RIPK4: variants seen among roughly 807,000 people sequenced by gnomAD.
RIPK4 encodes the protein receptor interacting serine/threonine kinase 4.
In RIPK4, 17 loss-of-function variants were observed where a neutral mutation model predicts 42.9. The observed-to-expected ratio is 0.40, with a 90% CI of 0.27 to 0.59. The LOEUF is 0.59. Among genes scored for constraint, RIPK4 ranks in the 20% least tolerant of loss-of-function variants. The pLI is 0.47. For missense variants in RIPK4, 897 were observed against 1,104.4 expected, an observed-to-expected ratio of 0.81 and a Z score of 2.66; for synonymous variants, 498 against 499.1, an observed-to-expected ratio of 1.00 and a Z score of 0.03.
At position 41,740,988 on chromosome 21, in the gene RIPK4, C is replaced by T; in HGVS notation, c.2205G>A (p.Gly735=). The part of the protein sequence containing the change: ...ADVIDLFDEQ[G]LSALHLAAQG... ...GGGCGGCCAGGTGCAGCGCGCTGAG[C>T]CCCTGCTCGTCGAACAGGTCAATGA... is the stretch of plus-strand genomic sequence containing the variant. Residue 735 remains glycine, a synonymous_variant, in exon 8 of 8, where the codon GGG becomes GGA. Coordinates refer to ENST00000332512, the MANE Select transcript of RIPK4 (RefSeq NM_020639.3). The T allele has an allele frequency of 6.2e-7, 1 of 1,611,038 alleles. No individual in the cohort carries two copies. Among genetic ancestry groups the T allele is most frequent in the Non-Finnish European group, 8.5e-7 (1 of 1,179,720 alleles).
intron 2 of RIPK4, among the ~76,000 whole-genome samples, chr21:41,756,306 C>T (rs2061203189): frequency 6.6e-6 from 1 of 152,242 alleles, no homozygotes; most frequent in Non-Finnish European, 1.5e-5. Context: ...AAGCTACCCT[C>T]CAGCTACATG....
rs116315787 is a variant in RIPK4, at chr21:41,755,350, G to A, written c.474+1175C>T. Among the ~76,000 whole-genome samples, 855 of 152,250 alleles carry A rather than the reference G, an allele frequency of 5.6e-3. 6 individuals are homozygous for A. The highest frequency in any genetic ancestry group is 0.018 in the African/African-American group (767 of 41,528). On this transcript the variant is annotated intron_variant, in intron 2 of 7. Coordinates refer to ENST00000332512, the MANE Select transcript of RIPK4 (RefSeq NM_020639.3). This position sits in a 1 kb window ranked among gnomAD's most constrained non-coding sequence, Gnocchi z 4.2. ...AAGAGACAACTTATAATTACTGCCC[G>A]AAGTGAAAAATTGACCTCCTCACCA...
chr21:41,743,949 C>T lies in RIPK4; in HGVS notation c.1128G>A (p.Ser376=), dbSNP rs199672024. The change falls in exon 7 of 8, where the codon TCG becomes TCA. Residue 376 remains serine, a synonymous_variant. Transcript: ENST00000332512. ...GSGKRLSGVS[S]VDSAFSSRGS... The stretch of plus-strand genomic sequence containing the variant: ...CTCTGGAAGAGAAGGCGGAGTCCAC[C>T]GAGGACACCCCCGAGAGCCTCTTCC... 16 of 1,613,312 alleles carry T rather than the reference C, an allele frequency of 9.9e-6. No individual in the cohort carries two copies. The highest frequency in any genetic ancestry group is 4.5e-5 in the East Asian group (2 of 44,866).
intron 1 of RIPK4, among the ~76,000 whole-genome samples, chr21:41,760,368 G>A (rs1377205234): frequency 3.9e-5 from 6 of 152,172 alleles, no homozygotes; most frequent in Non-Finnish European, 8.8e-5. Context: ...AGAAGATGGC[G>A]AACTACCCCC....
Position 41,751,811 on chromosome 21 carries a change from G to A in RIPK4, c.475-566C>T, listed in dbSNP as rs558784565. On this transcript the variant is annotated intron_variant, in intron 2 of 7. Coordinates refer to ENST00000332512, the MANE Select transcript of RIPK4 (RefSeq NM_020639.3). The surrounding 1 kb of genome is among the most constrained non-coding windows in gnomAD (Gnocchi z 4.5). ...AACAAAACACACGCCTCAGAGCCCCGTCCATCTGGAGTGTTTTGTGATCAG... is the reference window on the plus strand; with the variant it reads ...AACAAAACACACGCCTCAGAGCCCCATCCATCTGGAGTGTTTTGTGATCAG... Among the ~76,000 whole-genome samples the A allele has an allele frequency of 7.2e-5, 11 of 152,322 alleles. No homozygotes were observed. Among genetic ancestry groups the A allele is most frequent in the East Asian group, 1.9e-4 (1 of 5,188 alleles).
In RIPK4 at chr21:41,742,221, C is replaced by T. The variant is rs981160267; in HGVS notation, c.1196-224G>A. 6.6e-6 allele frequency among the ~76,000 whole-genome samples: 1 copy of T among 152,152 alleles called. No individual in the cohort carries two copies. Among genetic ancestry groups the T allele is most frequent in the African/African-American group, 2.4e-5 (1 of 41,442 alleles). Reference sequence around the variant, plus strand: ...GAATGTCTCCCAGGTGCTCGTTAGTCGGTTTGCAAAATAAAACCCGCTCTC... The same window carrying T: ...GAATGTCTCCCAGGTGCTCGTTAGTTGGTTTGCAAAATAAAACCCGCTCTC... On this transcript the variant is annotated intron_variant, in intron 7 of 7. Transcript: ENST00000332512. This position sits in a 1 kb window ranked among gnomAD's most constrained non-coding sequence, Gnocchi z 5.1.
intron 1 of RIPK4, among the ~76,000 whole-genome samples, chr21:41,761,847 C>CTGA (rs767112570): frequency 5.3e-5 from 8 of 152,200 alleles, no homozygotes; most frequent in Non-Finnish European, 1.2e-4. Context: ...CCGGTGACTT[C>CTGA]TGATTGCAGA....
rs1250501931 is a variant in RIPK4, at chr21:41,751,505, T to C, written c.475-260A>G. Among the ~76,000 whole-genome samples, 1 of 152,180 alleles carries C rather than the reference T, an allele frequency of 6.6e-6. No individual in the cohort carries two copies. The highest frequency in any genetic ancestry group is 1.5e-5 in the Non-Finnish European group (1 of 68,030). The stretch of plus-strand genomic sequence containing the variant: ...AAGAATCGTACTGTAAGGAAGGAGT[T>C]ATCCGGGACAGAACTGCAGAAGAAT... On this transcript the variant is annotated intron_variant, in intron 2 of 7. Transcript: ENST00000332512. The surrounding 1 kb of genome is among the most constrained non-coding windows in gnomAD (Gnocchi z 4.5).
chr21:41,766,228 C>A (rs908160392), intron 1 of RIPK4, among the ~76,000 whole-genome samples: 4 of 152,216 alleles, frequency 2.6e-5, no homozygotes, highest in Non-Finnish European at 5.9e-5. Flanking sequence ...CTGCCAGGCC[C>A]GAGCCCCGGA....
intron 1 of RIPK4, among the ~76,000 whole-genome samples, chr21:41,763,979 G>A (rs2061228884): frequency 6.6e-6 from 1 of 152,070 alleles, no homozygotes; most frequent in Non-Finnish European, 1.5e-5. Flanking sequence ...CCCCCACAAT[G>A]AGGGTCAGCC....
chr21:41,751,274 A>G lies in RIPK4; in HGVS notation c.475-29T>C, dbSNP rs916902254. ...CAACACAGCCATCAGAGCGGGGCTC[A>G]TTAGCCTGCAACAGTGATATTTTAT... On this transcript the variant is annotated intron_variant, in intron 2 of 7. Transcript: ENST00000332512. The surrounding 1 kb of genome is among the most constrained non-coding windows in gnomAD (Gnocchi z 4.5). 3 of 1,611,564 alleles carry G rather than the reference A, an allele frequency of 1.9e-6. No homozygotes were observed. Among genetic ancestry groups the G allele is most frequent in the Non-Finnish European group, 1.7e-6 (2 of 1,178,436 alleles).
chr21:41,748,300 A>G (rs2061178009), intron 4 of RIPK4, among the ~76,000 whole-genome samples: 1 of 152,282 alleles, frequency 6.6e-6, no homozygotes, highest in South Asian at 2.1e-4. Flanking sequence ...ACAAGGGGCT[A>G]GGCCTTGACT....
intron 4 of RIPK4, 146 bp downstream of exon 4, chr21:41,749,008 T>C (rs2061180122): frequency 5.0e-6 from 4 of 802,942 alleles, no homozygotes; most frequent in South Asian, 3.1e-5. Context: ...CTGTGTCTTT[T>C]CCTGCATGCA....
At chr21:41,745,410 C>T (rs750377855) in intron 6 of RIPK4, among the ~76,000 whole-genome samples, 1 of 152,200 alleles carries the variant, frequency 6.6e-6, no homozygotes, top group Admixed American at 6.5e-5. Context: ...GGAACTGGAT[C>T]CCCGAGCCAG....
chr21:41,741,953 T>A lies in RIPK4; in HGVS notation c.1240A>T (p.Ile414Phe). ...DVQKKKLVDA[I>F]VSGDTSKLMK... ...AGTTTGCTGGTGTCCCCGGACACGA[T>A]GGCATCCACAAGCTTCTTCTTCTGG... Residue 414 changes from isoleucine to phenylalanine, a missense_variant, in exon 8 of 8, where the codon ATC becomes TTC. Ile to Phe is a conservative substitution (Grantham distance 21). Coordinates refer to ENST00000332512, the MANE Select transcript of RIPK4 (RefSeq NM_020639.3). 1 of 1,608,198 alleles carries A rather than the reference T, an allele frequency of 6.2e-7. No homozygotes were observed. Among genetic ancestry groups the A allele is most frequent in the Non-Finnish European group, 8.5e-7 (1 of 1,176,208 alleles).
chr21:41,741,057 G>A lies in RIPK4; in HGVS notation c.2136C>T (p.Ala712=). The A allele has an allele frequency of 6.2e-7, 1 of 1,610,300 alleles. No homozygotes were observed. Among genetic ancestry groups the A allele is most frequent in the South Asian group, 1.1e-5 (1 of 90,972 alleles). ...LNQTALHLAA[A]HGHSEVVEEL... ...CCTCCACCACCTCCGAGTGCCCGTG[G>A]GCGGCAGCCAGGTGCAGCGCCGTCT... Residue 712 remains alanine, a synonymous_variant, in exon 8 of 8, where the codon GCC becomes GCT. Coordinates refer to ENST00000332512, the MANE Select transcript of RIPK4 (RefSeq NM_020639.3).
intron 1 of RIPK4, among the ~76,000 whole-genome samples, chr21:41,766,491 C>A (rs1399675808): frequency 2.0e-5 from 3 of 152,196 alleles, no homozygotes; most frequent in Non-Finnish European, 4.4e-5. Flanking sequence ...GTCCGAGGCG[C>A]AAGGCGAGCT....
intron 1 of RIPK4, 105 bp downstream of exon 1, chr21:41,766,755 G>A (rs1023911691): frequency 1.6e-6 from 2 of 1,216,396 alleles, no homozygotes; most frequent in African/African-American, 1.6e-5. Flanking sequence ...AAGCTGCTCC[G>A]GGGGTGAGTT....
In RIPK4 at chr21:41,741,533, G is replaced by A. The variant is rs552168720; in HGVS notation, c.1660C>T (p.Arg554Cys). The A allele has an allele frequency of 9.3e-6, 15 of 1,612,290 alleles. No individual in the cohort carries two copies. Among genetic ancestry groups the A allele is most frequent in the East Asian group, 4.5e-5 (2 of 44,862 alleles). Residue 554 changes from arginine to cysteine, a missense_variant, in exon 8 of 8, where the codon CGC (arginine) becomes TGC (cysteine). By Grantham distance (180) the Arg-to-Cys change is radical. Transcript: ENST00000332512. Reference sequence around the variant, plus strand: ...TCCACGCCTCGGCGCAGCAGGATGCGCACGATATTCTCCTGCCCGTGCTGG... The same window carrying A: ...TCCACGCCTCGGCGCAGCAGGATGCACACGATATTCTCCTGCCCGTGCTGG... Reference protein sequence around the residue: ...ACQHGQENIVRILLRRGVDVS... With the variant: ...ACQHGQENIVCILLRRGVDVS...
Sources: allele counts gnomAD v4.1 joint callset (sites outside exome capture counted in the v4.1 genomes callset), GRCh38; gene constraint gnomAD v4.1.1; non-coding constraint Gnocchi (gnomAD v3.1); transcripts MANE v1.5; gene names NCBI Gene and HGNC (gene_info 2026-07-23, HGNC 2026-07-21).